CORO1C: variants seen among roughly 807,000 people sequenced by gnomAD.
CORO1C encodes coronin 1C.
CORO1C carries 14 observed loss-of-function variants against 51.2 expected under a neutral mutation model. The observed-to-expected ratio is 0.27, with a 90% CI of 0.18 to 0.43. The LOEUF is 0.43. Ranked by LOEUF, CORO1C falls within the 20% of genes least tolerant of loss-of-function variation. The pLI, the probability that CORO1C is intolerant of heterozygous loss-of-function variation, is 1.00. For synonymous variants in CORO1C, 181 were observed against 210.5 expected, an observed-to-expected ratio of 0.86 and a Z score of 1.21; for missense variants, 417 against 607.8, an observed-to-expected ratio of 0.69 and a Z score of 3.30.
At chr12:108,678,018 C>CA (rs139621669) in intron 3 of CORO1C, among the ~76,000 whole-genome samples, 17,006 of 132,546 alleles carry the variant, frequency 0.13, 1,384 homozygotes, top group African/African-American at 0.24. Flanking sequence ...GACTCCATCT[C>CA]AAAAAAAAAA....
Position 108,646,926 on chromosome 12 carries a change from A to C in CORO1C, c.*477T>G, listed in dbSNP as rs2032384715. ...TTTCAAATTAAGGAAAAAAAACCAC[A>C]CACACAAATACTGCAAAGTAGCAAA... On this transcript the variant is annotated 3_prime_UTR_variant, in exon 11 of 11. Coordinates refer to ENST00000261401, the MANE Select transcript of CORO1C (RefSeq NM_014325.4). The C allele has an allele frequency of 6.5e-6, 1 of 153,018 alleles. No individual in the cohort carries two copies. The highest frequency in any genetic ancestry group is 2.4e-5 in the African/African-American group (1 of 41,456). The allele number at this position is 153,018 out of a possible 1,614,324, so 9.5% of individuals were successfully genotyped here. A position where few individuals can be genotyped will look rare whatever the true frequency, so the allele number is the denominator to read the frequency against.
chr12:108,694,021 G>A (rs2034585251), intron 2 of CORO1C, among the ~76,000 whole-genome samples: 1 of 152,198 alleles, frequency 6.6e-6, no homozygotes, highest in South Asian at 2.1e-4. Flanking sequence ...CTAGCCGGGT[G>A]TGGTGGCTCA....
At chr12:108,723,604 A>C (rs182427211) in intron 1 of CORO1C, among the ~76,000 whole-genome samples, 2 of 152,336 alleles carry the variant, frequency 1.3e-5, no homozygotes, top group African/African-American at 4.8e-5. Context: ...ATGGGGACCC[A>C]CACCCAGTTC....
intron 1 of CORO1C, among the ~76,000 whole-genome samples, chr12:108,710,402 A>G: frequency 6.6e-6 from 1 of 152,276 alleles, no homozygotes; most frequent in South Asian, 2.1e-4. Flanking sequence ...AAGAAAAAAA[A>G]TGGATTACGG....
In CORO1C at chr12:108,652,315, T is replaced by G; in HGVS notation, c.958A>C (p.Met320Leu). Residue 320 changes from methionine (M) to leucine (L), a missense_variant, in exon 8 of 11, where the codon ATG (methionine) becomes CTG (leucine). Met to Leu is a conservative substitution (Grantham distance 15, BLOSUM62 2). Transcript: ENST00000261401. ...TTAACATCAAGTCCCCTCTTGGGCA[T>G]GTAACCCATCCCTCTCTGAGGCTCC... ...SKEPQRGMGY[M>L]PKRGLDVNKC... 1 of 1,614,178 alleles carries G rather than the reference T, an allele frequency of 6.2e-7. No individual in the cohort carries two copies. Among genetic ancestry groups the G allele is most frequent in the Non-Finnish European group, 8.5e-7 (1 of 1,179,990 alleles).
Position 108,670,168 on chromosome 12 carries a change from C to T in CORO1C, c.319-8010G>A, listed in dbSNP as rs144981859. On this transcript the variant is annotated intron_variant, in intron 3 of 10. Transcript: ENST00000261401. Reference sequence around the variant, plus strand: ...ACATTTACACAAACTAGGTGATATCCCCAAAATTTAAGCAGGTGGGAGCAA... The same window carrying T: ...ACATTTACACAAACTAGGTGATATCTCCAAAATTTAAGCAGGTGGGAGCAA... Among the ~76,000 whole-genome samples the T allele has an allele frequency of 1.6e-3, 238 of 152,154 alleles. 1 individual carries two copies. The highest frequency in any genetic ancestry group is 6.8e-3 in the Middle Eastern group (2 of 294).
rs556252897 is a variant in CORO1C at position 108,714,468 on chromosome 12, C to CCCAAGGATAGTATCTAAAAGGTGAGACAT, written c.-5-13174_-5-13146dup. Among the ~76,000 whole-genome samples the CCCAAGGATAGTATCTAAAAGGTGAGACAT allele has an allele frequency of 4.6e-4, 69 of 151,408 alleles. 2 individuals are homozygous for CCCAAGGATAGTATCTAAAAGGTGAGACAT. In the East Asian group the frequency reaches 0.013, roughly 27 times the overall value. On this transcript the variant is annotated intron_variant, in intron 1 of 10. Transcript: ENST00000261401. ...AAACACTAGAAACACACACACACACCCCAAGGATAGTATCTAAAAGGTGAG... is the reference window on the plus strand; with the variant it reads ...AAACACTAGAAACACACACACACACCCCAAGGATAGTATCTAAAAGGTGAGACATCCAAGGATAGTATCTAAAAGGTGAG...
intron 3 of CORO1C, among the ~76,000 whole-genome samples, chr12:108,676,620 A>G (rs1565914996): frequency 6.6e-6 from 1 of 152,010 alleles, no homozygotes; most frequent in Non-Finnish European, 1.5e-5. Flanking sequence ...AAAAACATAA[A>G]AATTAGCCAG....
chr12:108,698,897 C>T lies in CORO1C; in HGVS notation c.195+2227G>A, dbSNP rs544189214. On this transcript the variant is annotated intron_variant, in intron 2 of 10. Coordinates refer to ENST00000261401, the MANE Select transcript of CORO1C (RefSeq NM_014325.4). ...TGACGCTAAGAGCTAAATACACACACTTTAATACACAAAAATCTCACATAG... is the reference window on the plus strand; with the variant it reads ...TGACGCTAAGAGCTAAATACACACATTTTAATACACAAAAATCTCACATAG... Among the ~76,000 whole-genome samples, 8 of 152,330 alleles carry T rather than the reference C, an allele frequency of 5.3e-5. No homozygotes were observed. In the South Asian group the frequency reaches 1.5e-3, roughly 28 times the overall value.
intron 1 of CORO1C, among the ~76,000 whole-genome samples, chr12:108,727,919 G>A (rs11114039): frequency 0.29 from 43,406 of 151,954 alleles, 7,470 homozygotes; most frequent in South Asian, 0.44. Flanking sequence ...ATTAAAAAAC[G>A]GGCAGAGCAT....
At chr12:108,661,262 C>G (rs2033248387) in intron 4 of CORO1C, among the ~76,000 whole-genome samples, 1 of 152,084 alleles carries the variant, frequency 6.6e-6, no homozygotes, top group African/African-American at 2.4e-5. Flanking sequence ...CTGTACAACA[C>G]CAGTGTCCAG....
intron 3 of CORO1C, among the ~76,000 whole-genome samples, chr12:108,674,804 CAAAGA>C (rs1252455694): frequency 6.6e-6 from 1 of 152,130 alleles, no homozygotes; most frequent in Non-Finnish European, 1.5e-5. Flanking sequence ...TATGGATAAG[CAAAGA>C]AAATGGTCTC....
intron 3 of CORO1C, among the ~76,000 whole-genome samples, chr12:108,663,815 G>T (rs1001054206): frequency 2.0e-5 from 3 of 152,194 alleles, no homozygotes; most frequent in African/African-American, 7.2e-5. Flanking sequence ...TTTTAAATGA[G>T]TGAATTCTAT....
At chr12:108,691,956 T>C (rs2034512288) in intron 2 of CORO1C, among the ~76,000 whole-genome samples, 1 of 152,206 alleles carries the variant, frequency 6.6e-6, no homozygotes, top group Admixed American at 6.5e-5. Flanking sequence ...CAGGACTTTG[T>C]GCTCCATTGT....
chr12:108,664,006 C>T (rs1285284499), intron 3 of CORO1C, among the ~76,000 whole-genome samples: 1 of 152,120 alleles, frequency 6.6e-6, no homozygotes, highest in East Asian at 1.9e-4. Flanking sequence ...ACAAAGGTTT[C>T]AAAAGGTTAA....
In CORO1C at chr12:108,658,187, CATTTATTTATTT is replaced by C. The variant is rs377235373; in HGVS notation, c.630+539_630+550del. 9.2e-5 allele frequency among the ~76,000 whole-genome samples: 14 copies of C among 151,974 alleles called. No homozygotes were observed. The highest frequency in any genetic ancestry group is 3.1e-4 in the African/African-American group (13 of 41,372). ...AGAACTTGTTGCTTTTCGCCCTGCG[CATTTATTTATTT>C]ATTTATTTATTTATTTTTGTATTTT... is the stretch of plus-strand genomic sequence containing the variant. On this transcript the variant is annotated intron_variant, in intron 5 of 10. Coordinates refer to ENST00000261401, the MANE Select transcript of CORO1C (RefSeq NM_014325.4). The surrounding 1 kb of genome is among the most constrained non-coding windows in gnomAD (Gnocchi z 4.9).
At chr12:108,675,024 C>A (rs1044941803) in intron 3 of CORO1C, among the ~76,000 whole-genome samples, 6 of 152,114 alleles carry the variant, frequency 3.9e-5, no homozygotes, top group African/African-American at 1.4e-4. Flanking sequence ...TTGTGAGAGG[C>A]CAAGTCAATC....
chr12:108,704,914 A>T (rs2034983806), intron 1 of CORO1C, among the ~76,000 whole-genome samples: 1 of 152,230 alleles, frequency 6.6e-6, no homozygotes, highest in African/African-American at 2.4e-5. Flanking sequence ...TTCTCTATCC[A>T]AAAATGGGTA....
intron 2 of CORO1C, among the ~76,000 whole-genome samples, chr12:108,684,658 AAAT>A (rs1415683512): frequency 2.0e-5 from 3 of 152,216 alleles, no homozygotes; most frequent in Admixed American, 2.0e-4. Flanking sequence ...AGGAGAAAAT[AAAT>A]AAGAATGGTA....
Sources: gnomAD v4.1 joint callset for allele counts (sites outside exome capture counted in the v4.1 genomes callset) on GRCh38, gnomAD v4.1.1 for gene constraint, Gnocchi (gnomAD v3.1) non-coding constraint, MANE v1.5 for transcripts, NCBI Gene and HGNC (gene_info 2026-07-23, HGNC 2026-07-21) for gene names.